UBASH3B: variants seen among roughly 807,000 people sequenced by gnomAD.
The protein encoded by UBASH3B is ubiquitin-associated and SH3 domain-containing protein B.
UBASH3B carries 37 observed loss-of-function variants against 83.4 expected under a neutral mutation model. The observed-to-expected ratio is 0.44, with a 90% CI of 0.34 to 0.58. The LOEUF (loss-of-function observed/expected upper bound fraction) is 0.58, where lower values mean the gene tolerates loss of function less well. UBASH3B is among the 20% of genes least tolerant of loss of function. UBASH3B has a pLI of 0.01. For missense variants in UBASH3B, 657 were observed against 827.2 expected, an observed-to-expected ratio of 0.79 and a Z score of 2.52; for synonymous variants, 304 against 318.3, an observed-to-expected ratio of 0.96 and a Z score of 0.48.
chr11:122,704,572 T>A (rs1246523179), intron 1 of UBASH3B, among the ~76,000 whole-genome samples: 1 of 151,944 alleles, frequency 6.6e-6, no homozygotes, highest in Non-Finnish European at 1.5e-5. Flanking sequence ...TGCAGTGGCG[T>A]GATCTCGGCT....
chr11:122,671,252 G>A (rs753621424), intron 1 of UBASH3B, among the ~76,000 whole-genome samples: 7 of 152,070 alleles, frequency 4.6e-5, no homozygotes, highest in Non-Finnish European at 7.4e-5. Context: ...TGGGCCAGGC[G>A]CAGTGGCTCA....
chr11:122,743,135 T>C (rs1296003777), intron 1 of UBASH3B, among the ~76,000 whole-genome samples: 2 of 152,172 alleles, frequency 1.3e-5, no homozygotes, highest in Non-Finnish European at 2.9e-5. Flanking sequence ...GAGTGGGAGA[T>C]AGGAGTTATG....
At chr11:122,673,516 A>G (rs1863627211) in intron 1 of UBASH3B, among the ~76,000 whole-genome samples, 3 of 152,144 alleles carry the variant, frequency 2.0e-5, no homozygotes, top group East Asian at 3.9e-4. Flanking sequence ...AAAATTAGCT[A>G]GGCATGGTGG....
chr11:122,659,332 A>G (rs553279810), intron 1 of UBASH3B, among the ~76,000 whole-genome samples: 11 of 152,310 alleles, frequency 7.2e-5, no homozygotes, highest in African/African-American at 2.6e-4. Flanking sequence ...AAGAGGTAAC[A>G]AGAGCAGGCC....
chr11:122,764,870 C>G (rs1213118376), intron 1 of UBASH3B, among the ~76,000 whole-genome samples: 2 of 152,162 alleles, frequency 1.3e-5, no homozygotes, highest in African/African-American at 4.8e-5. Flanking sequence ...ATTCCTGGAA[C>G]CAGCCTAAGC....
intron 1 of UBASH3B, among the ~76,000 whole-genome samples, chr11:122,731,459 T>C (rs1319136282): frequency 6.6e-6 from 1 of 152,182 alleles, no homozygotes; most frequent in South Asian, 2.1e-4. Context: ...CATTATAAAG[T>C]AAAATAATGG....
In UBASH3B at chr11:122,811,869, G is replaced by GTAA. The variant is rs1262782320; in HGVS notation, c.*1985_*1987dup. 2 of 152,118 alleles carry GTAA rather than the reference G, an allele frequency of 1.3e-5. No homozygotes were observed. The highest frequency in any genetic ancestry group is 2.9e-5 in the Non-Finnish European group (2 of 68,022). The allele number at this position is 152,118 out of a possible 1,614,324, so 9.4% of individuals were successfully genotyped here. A position where few individuals can be genotyped will look rare whatever the true frequency, so the allele number is the denominator to read the frequency against. On this transcript the variant is annotated 3_prime_UTR_variant, in exon 14 of 14. Coordinates refer to ENST00000284273, the MANE Select transcript of UBASH3B (RefSeq NM_032873.5). ...TCTACCATTCATTCTTCTGGTATTT[G>GTAA]TAATGAAGTGAATCCACTGTTTAAT...
At chr11:122,670,570 A>C (rs1565523383) in intron 1 of UBASH3B, among the ~76,000 whole-genome samples, 1 of 152,190 alleles carries the variant, frequency 6.6e-6, no homozygotes, top group Non-Finnish European at 1.5e-5. Flanking sequence ...ACACATAAGA[A>C]TGGTGAGTGC....
At chr11:122,709,506 G>A (rs1374275748) in intron 1 of UBASH3B, 1 of 152,222 alleles carries the variant, frequency 6.6e-6, no homozygotes, top group Non-Finnish European at 1.5e-5. Context: ...TAAATCAGAA[G>A]GGGATGGGGA....
chr11:122,699,545 C>CTTTCTTTT (rs1321160963), intron 1 of UBASH3B, among the ~76,000 whole-genome samples: 2 of 137,596 alleles, frequency 1.5e-5, no homozygotes, highest in East Asian at 4.1e-4. Context: ...TTCTTTCTTT[C>CTTTCTTTT]TTTCTTTCTT....
At chr11:122,746,342 C>T (rs1156726467) in intron 1 of UBASH3B, among the ~76,000 whole-genome samples, 2 of 152,074 alleles carry the variant, frequency 1.3e-5, no homozygotes, top group African/African-American at 4.8e-5. Flanking sequence ...GGGAGGATCC[C>T]CTAAGATATG....
At chr11:122,667,201 C>T (rs1863531647) in intron 1 of UBASH3B, among the ~76,000 whole-genome samples, 1 of 151,840 alleles carries the variant, frequency 6.6e-6, no homozygotes, top group African/African-American at 2.4e-5. Context: ...GCACCACCAC[C>T]ACACCTGGCT....
In UBASH3B at chr11:122,794,939, G is replaced by A. The variant is rs979811960; in HGVS notation, c.1113+105G>A. ...CCCTTGCTGTCTCCAAAGCTTCCAC[G>A]ATCTCTTGGGAAGAAAGTACACCAA... On this transcript the variant is annotated intron_variant, in intron 7 of 13. Coordinates refer to ENST00000284273, the MANE Select transcript of UBASH3B (RefSeq NM_032873.5). 120 of 1,497,854 alleles carry A rather than the reference G, an allele frequency of 8.0e-5. 1 individual carries two copies. The South Asian group carries it at 8.5e-4, about 11-fold the overall frequency. The allele number at this position is 1,497,854 out of a possible 1,614,324, so 92.8% of individuals were successfully genotyped here.
chr11:122,796,023 G>A (rs568505270), intron 7 of UBASH3B, 133 bp from the exon 8 acceptor site: 26 of 1,066,222 alleles, frequency 2.4e-5, no homozygotes, highest in Non-Finnish European at 3.3e-5. Context: ...TCTGTAGGAC[G>A]AGTCTTACTG....
chr11:122,756,043 C>T (rs897035838), intron 1 of UBASH3B, among the ~76,000 whole-genome samples: 13 of 151,414 alleles, frequency 8.6e-5, no homozygotes, highest in South Asian at 2.1e-4. Context: ...TTAATTAGGA[C>T]GGAAGGAATC....
In UBASH3B at chr11:122,730,537, C is replaced by T. The variant is rs983631180; in HGVS notation, c.162-45682C>T. ...GAGGTGTAGGGCCAGCACTGCACATCGCTGCACAACTGAGCTTGCCTTCTC... is the reference window on the plus strand; with the variant it reads ...GAGGTGTAGGGCCAGCACTGCACATTGCTGCACAACTGAGCTTGCCTTCTC... On this transcript the variant is annotated intron_variant, in intron 1 of 13. Transcript: ENST00000284273. 6.6e-5 allele frequency among the ~76,000 whole-genome samples: 10 copies of T among 152,082 alleles called. 1 individual carries two copies. In the South Asian group the frequency reaches 2.1e-3, roughly 32 times the overall value.
chr11:122,717,312 G>A (rs1317810060), intron 1 of UBASH3B, among the ~76,000 whole-genome samples: 3 of 152,196 alleles, frequency 2.0e-5, no homozygotes, highest in Admixed American at 6.5e-5. Flanking sequence ...GATAGCGGAA[G>A]GGCCAGGTTC....
chr11:122,736,366 T>C (rs1442808011), intron 1 of UBASH3B, among the ~76,000 whole-genome samples: 1 of 151,932 alleles, frequency 6.6e-6, no homozygotes, highest in Non-Finnish European at 1.5e-5. Flanking sequence ...GAACTACAAG[T>C]TCTCAGCATG....
chr11:122,703,215 C>G (rs1216605592), intron 1 of UBASH3B, among the ~76,000 whole-genome samples: 2 of 151,938 alleles, frequency 1.3e-5, no homozygotes, highest in African/African-American at 4.8e-5. Context: ...ATCACGAGGT[C>G]GGGAGATTGA....
Sources: gnomAD v4.1 joint callset for allele counts (sites outside exome capture counted in the v4.1 genomes callset) on GRCh38, gnomAD v4.1.1 for gene constraint, MANE v1.5 for transcripts, NCBI Gene and HGNC (gene_info 2026-07-23, HGNC 2026-07-21) for gene names.